Variants in FRMPD1 observed in about 807,000 individuals in gnomAD.
FRMPD1 encodes FERM and PDZ domain-containing protein 1.
In FRMPD1, 76 loss-of-function variants were observed where a neutral mutation model predicts 117.8. That is an observed-to-expected ratio of 0.65 (90% CI 0.54 to 0.78). The LOEUF (loss-of-function observed/expected upper bound fraction) is 0.78. Among genes scored for constraint, FRMPD1 ranks in the 30% least tolerant of loss-of-function variants. The probability of loss-of-function intolerance (pLI) is 0.00; values close to 1 mark genes in which losing one functional copy is unlikely to be tolerated. For synonymous variants in FRMPD1, 783 were observed against 770.4 expected (o/e 1.02, Z -0.27); for missense variants, 1,786 against 1,964.5 (o/e 0.91, Z 1.72).
At chr9:37,612,243 C>G in the FRMPD1 span, among the ~76,000 whole-genome samples, 1 of 152,200 alleles carries the variant, frequency 6.6e-6, no homozygotes, top group African/African-American at 2.4e-5. Context: ...CACAGTGGCT[C>G]TCTGTGGGAG....
At chr9:37,687,137 A>G (rs1467303149) in intron 1 of FRMPD1, among the ~76,000 whole-genome samples, 1 of 152,192 alleles carries the variant, frequency 6.6e-6, no homozygotes. Flanking sequence ...TCAGCGTCCA[A>G]GATCTTAACA....
chr9:37,736,154 C>G (rs1363198702), intron 13 of FRMPD1, among the ~76,000 whole-genome samples: 1 of 151,992 alleles, frequency 6.6e-6, no homozygotes, highest in African/African-American at 2.4e-5. Flanking sequence ...GCGCCCACCA[C>G]CATGCCCGGC....
chr9:37,653,176 C>G (rs1022153673), intron 1 of FRMPD1, among the ~76,000 whole-genome samples: 1 of 152,050 alleles, frequency 6.6e-6, no homozygotes, highest in Admixed American at 6.6e-5. Flanking sequence ...ATTGGGCCTC[C>G]GAGCGTCACT....
rs1463516795 is a variant in FRMPD1, at chr9:37,746,315, G to A, written c.4283G>A (p.Ser1428Asn). 1 of 1,612,768 alleles carries A rather than the reference G, an allele frequency of 6.2e-7. No homozygotes were observed. The highest frequency in any genetic ancestry group is 8.5e-7 in the Non-Finnish European group (1 of 1,179,772). ...TPEGFIQLME[S>N]LLELQDILET... ...GAGGGCTTCATCCAACTCATGGAGA[G>A]CTTGCTGGAGCTACAAGACATTTTA... The change falls in exon 16 of 16, where the codon AGC becomes AAC. Residue 1428 changes from serine to asparagine, a missense_variant. Transcript: ENST00000377765.
chr9:37,659,964 G>A (rs368946262), intron 1 of FRMPD1, among the ~76,000 whole-genome samples: 9 of 150,292 alleles, frequency 6.0e-5, no homozygotes, highest in East Asian at 3.9e-4. Flanking sequence ...GAAGAGCTGC[G>A]TCTGGTGAAG....
intron 1 of FRMPD1, among the ~76,000 whole-genome samples, chr9:37,673,179 A>G (rs1821413187): frequency 6.6e-6 from 1 of 152,228 alleles, no homozygotes; most frequent in Non-Finnish European, 1.5e-5. Context: ...CTTCCTAGAT[A>G]CAATGGGGGT....
chr9:37,745,778 G>A lies in FRMPD1; in HGVS notation c.3746G>A (p.Cys1249Tyr), dbSNP rs1824679532. Residue 1249 changes from cysteine (C) to tyrosine (Y), a missense_variant, in exon 16 of 16, where the codon TGT (cysteine) becomes TAT (tyrosine). Cys to Tyr is a radical substitution (Grantham distance 194). Transcript: ENST00000377765. Reference sequence around the variant, plus strand: ...CCTAGGGACAGCCCTGAGTGGGTCTGTTTTAATCCTGAGCCTTCCCTGCCA... The same window carrying A: ...CCTAGGGACAGCCCTGAGTGGGTCTATTTTAATCCTGAGCCTTCCCTGCCA... ...IAPRDSPEWVCFNPEPSLPEP... is the reference protein window; with the variant it reads ...IAPRDSPEWVYFNPEPSLPEP... The A allele has an allele frequency of 6.2e-7, 1 of 1,614,228 alleles. No individual in the cohort carries two copies. The highest frequency in any genetic ancestry group is 8.5e-7 in the Non-Finnish European group (1 of 1,180,038).
At chr9:37,696,619 T>A (rs1441806970) in intron 2 of FRMPD1, among the ~76,000 whole-genome samples, 1 of 152,224 alleles carries the variant, frequency 6.6e-6, no homozygotes, top group Non-Finnish European at 1.5e-5. Flanking sequence ...TAGAAATAGA[T>A]TGCAAACCAA....
chr9:37,636,185 G>A, the FRMPD1 span, among the ~76,000 whole-genome samples: 1 of 152,168 alleles, frequency 6.6e-6, no homozygotes, highest in Middle Eastern at 3.2e-3. Flanking sequence ...GGGCTGCTGG[G>A]CCCCTGTGGC....
chr9:37,660,345 C>A (rs561470100), intron 1 of FRMPD1, among the ~76,000 whole-genome samples: 1 of 152,074 alleles, frequency 6.6e-6, no homozygotes, highest in Non-Finnish European at 1.5e-5. Context: ...GCATTTGAAC[C>A]GAGCCCTAGT....
At chr9:37,652,761 G>A (rs549480403) in intron 1 of FRMPD1, among the ~76,000 whole-genome samples, 1 of 152,194 alleles carries the variant, frequency 6.6e-6, no homozygotes, top group South Asian at 2.1e-4. Context: ...TCATTCGAGA[G>A]GACACAAACA....
chr9:37,647,457 A>G (rs146874275), upstream of FRMPD1, among the ~76,000 whole-genome samples: 349 of 150,184 alleles, frequency 2.3e-3, 4 homozygotes, highest in African/African-American at 8.1e-3. Context: ...GCTTGCAGTG[A>G]GCCGAGATCG....
chr9:37,726,273 G>A (rs1823611570), intron 7 of FRMPD1, among the ~76,000 whole-genome samples: 1 of 152,164 alleles, frequency 6.6e-6, no homozygotes, highest in Non-Finnish European at 1.5e-5. Flanking sequence ...CTCACTAAGG[G>A]AAGAAAAGTT....
At chr9:37,630,060 C>A in the FRMPD1 span, among the ~76,000 whole-genome samples, 1 of 152,128 alleles carries the variant, frequency 6.6e-6, no homozygotes, top group African/African-American at 2.4e-5. Flanking sequence ...TTCATAAGGG[C>A]ACTAAGCCTA....
chr9:37,691,291 C>G (rs1437116450), intron 1 of FRMPD1, among the ~76,000 whole-genome samples: 1 of 152,110 alleles, frequency 6.6e-6, no homozygotes, highest in African/African-American at 2.4e-5. Flanking sequence ...TAGGTATTTC[C>G]ATATTTTCAA....
At chr9:37,699,181 A>G (rs1180337054) in intron 2 of FRMPD1, among the ~76,000 whole-genome samples, 1 of 151,872 alleles carries the variant, frequency 6.6e-6, no homozygotes, top group Non-Finnish European at 1.5e-5. Context: ...CTCATTACCT[A>G]TTAAACTAAG....
At chr9:37,736,034 T>G (rs1824107765) in intron 13 of FRMPD1, among the ~76,000 whole-genome samples, 1 of 148,502 alleles carries the variant, frequency 6.7e-6, no homozygotes, top group Admixed American at 6.8e-5. Context: ...AGAGTCTCAC[T>G]CTGTTGCCCA....
At chr9:37,688,332 A>G (rs989535066) in intron 1 of FRMPD1, among the ~76,000 whole-genome samples, 2 of 151,758 alleles carry the variant, frequency 1.3e-5, no homozygotes, top group Admixed American at 6.6e-5. Context: ...AAGAATATGG[A>G]GGATAATTTA....
intron 1 of FRMPD1, among the ~76,000 whole-genome samples, chr9:37,690,406 T>C (rs1481186973): frequency 6.6e-6 from 1 of 152,154 alleles, no homozygotes; most frequent in Non-Finnish European, 1.5e-5. Context: ...ATTTTTTTTC[T>C]TCTGTTTTCT....
Sources: allele counts gnomAD v4.1 joint callset (sites outside exome capture counted in the v4.1 genomes callset), GRCh38; gene constraint gnomAD v4.1.1; transcripts MANE v1.5; gene names NCBI Gene and HGNC (gene_info 2026-07-23, HGNC 2026-07-21).